The following EPHA6 variants were observed in gnomAD, a reference collection of about 807,000 sequenced individuals.
EPHA6 encodes ephrin type-A receptor 6.
Under a neutral mutation model 112.0 loss-of-function variants are expected in EPHA6, and 50 were observed. The observed-to-expected ratio is 0.45, with a 90% CI of 0.36 to 0.56. The LOEUF is 0.56. EPHA6 is among the 20% of genes least tolerant of loss of function. EPHA6 has a pLI of 0.00. For synonymous variants in EPHA6, 529 were observed against 490.7 expected, an observed-to-expected ratio of 1.08 and a Z score of -1.03; for missense variants, 1,280 against 1,417.4, an observed-to-expected ratio of 0.90 and a Z score of 1.56.
chr3:97,079,232 A>T (rs905268791), intron 3 of EPHA6, among the ~76,000 whole-genome samples: 2 of 152,204 alleles, frequency 1.3e-5, no homozygotes, highest in Admixed American at 1.3e-4. Flanking sequence ...GATGAAGACA[A>T]TGTGGTAGAT....
At chr3:97,041,223 A>C (rs1416991200) in intron 3 of EPHA6, among the ~76,000 whole-genome samples, 1 of 151,988 alleles carries the variant, frequency 6.6e-6, no homozygotes, top group African/African-American at 2.4e-5. Flanking sequence ...TTACAGATAC[A>C]CCTTTTTTTA....
intron 5 of EPHA6, among the ~76,000 whole-genome samples, chr3:97,298,725 A>G (rs2080970420): frequency 6.6e-6 from 1 of 152,108 alleles, no homozygotes; most frequent in Non-Finnish European, 1.5e-5. Flanking sequence ...AAATGTAACC[A>G]TTATTCACAA....
chr3:97,448,075 A>G (rs1333191347), intron 6 of EPHA6, among the ~76,000 whole-genome samples: 1 of 152,168 alleles, frequency 6.6e-6, no homozygotes, highest in Non-Finnish European at 1.5e-5. Context: ...TCAGGATAAA[A>G]GATTTCAAAC....
chr3:97,660,153 G>A (rs1269471987), intron 14 of EPHA6, among the ~76,000 whole-genome samples: 1 of 151,992 alleles, frequency 6.6e-6, no homozygotes, highest in Admixed American at 6.6e-5. Context: ...AAAGAGGATT[G>A]TAACAACCAT....
At chr3:97,345,782 T>A (rs2083504276) in intron 5 of EPHA6, among the ~76,000 whole-genome samples, 1 of 152,098 alleles carries the variant, frequency 6.6e-6, no homozygotes, top group Non-Finnish European at 1.5e-5. Context: ...GATGAAAAAA[T>A]TGTAAGCATT....
chr3:97,114,940 G>C (rs528411433), intron 3 of EPHA6, among the ~76,000 whole-genome samples: 1 of 151,964 alleles, frequency 6.6e-6, no homozygotes, highest in Non-Finnish European at 1.5e-5. Context: ...GAGTGGATTT[G>C]CTGGAAAATA....
At chr3:97,437,068 G>A (rs936768003) in intron 6 of EPHA6, among the ~76,000 whole-genome samples, 2 of 147,380 alleles carry the variant, frequency 1.4e-5, no homozygotes, top group Admixed American at 1.4e-4. Flanking sequence ...TCTTTTTTTA[G>A]CTCATCAGCT....
intron 10 of EPHA6, among the ~76,000 whole-genome samples, chr3:97,519,553 G>A (rs932079858): frequency 6.6e-6 from 1 of 152,108 alleles, no homozygotes; most frequent in African/African-American, 2.4e-5. Flanking sequence ...CAATAAATCT[G>A]TAGATTGCTT....
intron 2 of EPHA6, among the ~76,000 whole-genome samples, chr3:96,977,748 C>T (rs1012495790): frequency 6.6e-6 from 1 of 152,072 alleles, no homozygotes; most frequent in African/African-American, 2.4e-5. Context: ...CTACTAATAG[C>T]CTACTGTTTA....
chr3:97,322,104 C>G (rs1054915707), intron 5 of EPHA6, among the ~76,000 whole-genome samples: 4 of 151,986 alleles, frequency 2.6e-5, no homozygotes, highest in Non-Finnish European at 5.9e-5. Context: ...GTTTTCCTTT[C>G]TAAAGAAAGC....
intron 7 of EPHA6, among the ~76,000 whole-genome samples, chr3:97,457,189 T>C (rs771160633): frequency 1.4e-4 from 22 of 152,260 alleles, no homozygotes; most frequent in Non-Finnish European, 3.2e-4. Flanking sequence ...GGAATACAAG[T>C]ATTGTGTTGT....
chr3:97,148,566 T>C (rs1317169045), intron 3 of EPHA6, among the ~76,000 whole-genome samples: 2 of 152,106 alleles, frequency 1.3e-5, no homozygotes, highest in East Asian at 1.9e-4. Context: ...TGCTATAATA[T>C]TGGTTTTGAT....
intron 16 of EPHA6, among the ~76,000 whole-genome samples, chr3:97,737,379 G>A (rs1321962425): frequency 6.6e-6 from 1 of 151,984 alleles, no homozygotes; most frequent in Non-Finnish European, 1.5e-5. Context: ...AAAGATCAGG[G>A]CTTGACTTCT....
intron 5 of EPHA6, among the ~76,000 whole-genome samples, chr3:97,357,774 A>G (rs2084160786): frequency 6.6e-6 from 1 of 152,174 alleles, no homozygotes; most frequent in African/African-American, 2.4e-5. Context: ...TATTGTATGT[A>G]TTGTATACTA....
At position 97,362,512 on chromosome 3, in the gene EPHA6, A is replaced by G. The variant is rs960571927; in HGVS notation, c.1607-42638A>G. 3.3e-5 allele frequency among the ~76,000 whole-genome samples: 5 copies of G among 152,006 alleles called. No individual in the cohort carries two copies. In the South Asian group the frequency reaches 6.2e-4, roughly 19 times the overall value. On this transcript the variant is annotated intron_variant, in intron 5 of 17. Transcript: ENST00000389672. ...TTTAGCCTCTTTATACGTTAGGACAAATAGTAATTTAAGAATGTTATATGT... is the reference window on the plus strand; with the variant it reads ...TTTAGCCTCTTTATACGTTAGGACAGATAGTAATTTAAGAATGTTATATGT...
At chr3:96,946,570 A>G (rs1288764263) in intron 2 of EPHA6, among the ~76,000 whole-genome samples, 2 of 152,112 alleles carry the variant, frequency 1.3e-5, no homozygotes, top group African/African-American at 4.8e-5. Context: ...AATCCAGTCT[A>G]TCACTAATGG....
intron 13 of EPHA6, among the ~76,000 whole-genome samples, chr3:97,625,937 G>A (rs1341125264): frequency 6.6e-6 from 1 of 151,606 alleles, no homozygotes; most frequent in Non-Finnish European, 1.5e-5. Context: ...AGCTTTATGA[G>A]GAACATGCAT....
chr3:97,448,192 A>ACC (rs2107317214), intron 6 of EPHA6, among the ~76,000 whole-genome samples: 1 of 152,188 alleles, frequency 6.6e-6, no homozygotes, highest in African/African-American at 2.4e-5. Flanking sequence ...TGGTACTTGA[A>ACC]TTCTCCCACC....
At chr3:97,646,369 G>T (rs1040625461) in intron 14 of EPHA6, 1 of 1,162,964 alleles carries the variant, frequency 8.6e-7, no homozygotes, top group Non-Finnish European at 1.1e-6. Context: ...AGACAGTATT[G>T]TCCACATTTC....
Sources: gnomAD v4.1 joint callset for allele counts (sites outside exome capture counted in the v4.1 genomes callset) on GRCh38, gnomAD v4.1.1 for gene constraint, MANE v1.5 for transcripts, NCBI Gene and HGNC (gene_info 2026-07-23, HGNC 2026-07-21) for gene names.